Variants in LTBP1 observed in about 807,000 individuals in gnomAD.
LTBP1 encodes latent-transforming growth factor beta-binding protein 1.
LTBP1 carries 129 observed loss-of-function variants against 207.6 expected under a neutral mutation model. The observed-to-expected ratio is 0.62, with a 90% CI of 0.54 to 0.72. The LOEUF (loss-of-function observed/expected upper bound fraction) is 0.72. LTBP1 is among the 30% of genes least tolerant of loss of function. The probability of loss-of-function intolerance (pLI) is 0.00; values close to 1 mark genes in which losing one functional copy is unlikely to be tolerated. For missense variants in LTBP1, 2,281 were observed against 2,217.2 expected, an observed-to-expected ratio of 1.03 and a Z score of -0.58; for synonymous variants, 963 against 833.7, an observed-to-expected ratio of 1.16 and a Z score of -2.67.
intron 31 of LTBP1, among the ~76,000 whole-genome samples, chr2:33,386,859 C>G (rs1487181599): frequency 7.7e-6 from 1 of 130,620 alleles, no homozygotes; most frequent in African/African-American, 3.0e-5. Flanking sequence ...GAGACGGAGT[C>G]TCGCTCTATC....
intron 3 of LTBP1, among the ~76,000 whole-genome samples, chr2:33,107,865 A>G (rs1008446326): frequency 2.0e-5 from 3 of 152,176 alleles, no homozygotes; most frequent in African/African-American, 7.2e-5. Flanking sequence ...TTACGGTTAC[A>G]TTGCTGTGAC....
At chr2:33,107,244 A>C (rs2080118441) in intron 3 of LTBP1, among the ~76,000 whole-genome samples, 1 of 152,240 alleles carries the variant, frequency 6.6e-6, no homozygotes, top group Non-Finnish European at 1.5e-5. Context: ...ATATGTAGAT[A>C]TGTATTCGAT....
At position 33,301,365 on chromosome 2, in the gene LTBP1, A is replaced by G. The variant is rs186852468; in HGVS notation, c.3359-157A>G. Among the ~76,000 whole-genome samples, 387 of 152,344 alleles carry G rather than the reference A, an allele frequency of 2.5e-3. 2 individuals carry two copies. The highest frequency in any genetic ancestry group is 4.3e-3 in the Admixed American group (66 of 15,302). ...TACTCTGAATATTTGAGAAGCAAAA[A>G]AGTCTCCTGAGATAGTATTACAAAA... On this transcript the variant is annotated intron_variant, in intron 21 of 33. Coordinates refer to ENST00000404816, the MANE Select transcript of LTBP1 (RefSeq NM_206943.4).
intron 2 of LTBP1, among the ~76,000 whole-genome samples, chr2:32,949,365 TACA>T (rs1461848598): frequency 6.6e-6 from 1 of 152,130 alleles, no homozygotes; most frequent in Non-Finnish European, 1.5e-5. Flanking sequence ...TGTTCTGGAG[TACA>T]ACATCAAAGT....
At chr2:33,367,676 C>T (rs2095009629) in intron 31 of LTBP1, among the ~76,000 whole-genome samples, 1 of 152,148 alleles carries the variant, frequency 6.6e-6, no homozygotes, top group Non-Finnish European at 1.5e-5. Context: ...CTGTAAAACA[C>T]ACGATTTTAT....
At chr2:33,077,688 G>A (rs1056963003) in intron 3 of LTBP1, among the ~76,000 whole-genome samples, 120 of 152,274 alleles carry the variant, frequency 7.9e-4, no homozygotes, top group African/African-American at 2.4e-3. Flanking sequence ...ATAATTCGAC[G>A]TGAGATTTGG....
intron 28 of LTBP1, among the ~76,000 whole-genome samples, chr2:33,362,635 C>T (rs536495430): frequency 3.7e-4 from 57 of 152,278 alleles, no homozygotes; most frequent in African/African-American, 1.3e-3. Flanking sequence ...CATTTTCCAT[C>T]TGTGTTAACT....
intron 10 of LTBP1, among the ~76,000 whole-genome samples, chr2:33,252,153 A>T (rs1314361773): frequency 6.6e-6 from 1 of 152,126 alleles, no homozygotes; most frequent in East Asian, 1.9e-4. Context: ...TCTGCCTCCC[A>T]TTCATGTTCA....
intron 3 of LTBP1, among the ~76,000 whole-genome samples, chr2:33,034,977 G>A (rs1403801722): frequency 6.6e-6 from 1 of 152,182 alleles, no homozygotes; most frequent in Non-Finnish European, 1.5e-5. Context: ...ATTTGAAGAG[G>A]GGGGTTTAAC....
chr2:33,152,972 G>T (rs564481651), intron 5 of LTBP1, among the ~76,000 whole-genome samples: 2 of 152,276 alleles, frequency 1.3e-5, no homozygotes, highest in African/African-American at 4.8e-5. Flanking sequence ...TCTCTAAAAG[G>T]AGGAGTTCAG....
intron 5 of LTBP1, among the ~76,000 whole-genome samples, chr2:33,172,143 A>T (rs1333773099): frequency 6.6e-6 from 1 of 152,218 alleles, no homozygotes; most frequent in Non-Finnish European, 1.5e-5. Flanking sequence ...ACAGGATCAA[A>T]TTCACACATA....
Position 33,341,771 on chromosome 2 carries a change from A to C in LTBP1, c.3731-1067A>C, listed in dbSNP as rs560592418. Among the ~76,000 whole-genome samples, 316 of 147,610 alleles carry C rather than the reference A, an allele frequency of 2.1e-3. 1 individual carries two copies. The highest frequency in any genetic ancestry group is 4.4e-3 in the African/African-American group (177 of 40,632). ...GTATATTTATATATAAAAATAATAA[A>C]AGAGAAAATGCTCAATTTTATTAAT... On this transcript the variant is annotated intron_variant, in intron 24 of 33. Transcript: ENST00000404816.
At chr2:33,123,516 G>C (rs1458240595) in intron 4 of LTBP1, among the ~76,000 whole-genome samples, 1 of 152,090 alleles carries the variant, frequency 6.6e-6, no homozygotes, top group Non-Finnish European at 1.5e-5. Context: ...TCTTTGAAAG[G>C]GTTTTTCAAA....
intron 3 of LTBP1, among the ~76,000 whole-genome samples, chr2:33,041,486 A>T (rs763627247): frequency 6.6e-6 from 1 of 151,954 alleles, no homozygotes; most frequent in African/African-American, 2.4e-5. Flanking sequence ...GTTTCACCAT[A>T]TTGGCCAGGC....
chr2:32,947,534 CG>C lies in LTBP1; in HGVS notation c.211del (p.Ala71ProfsTer151). 1 of 1,388,202 alleles carries C rather than the reference CG, an allele frequency of 7.2e-7. No individual in the cohort carries two copies. The allele number at this position is 1,388,202 out of a possible 1,614,324, so 86.0% of individuals were successfully genotyped here. A position where few individuals can be genotyped will look rare whatever the true frequency, so the allele number is the denominator to read the frequency against. On this transcript the variant is annotated frameshift_variant, in exon 1 of 34. Transcript: ENST00000404816. LOFTEE classifies it high-confidence loss of function. Reference sequence around the variant, plus strand: ...ACAGCCGCAGCTCGGCGGCTGCCGGCGCCCCCAGCCGTGCCTCCCCCGGGGT... The same window carrying C: ...ACAGCCGCAGCTCGGCGGCTGCCGGCCCCCCAGCCGTGCCTCCCCCGGGGT... ...RYSRSSAAAG[A>X]PSRASPGVPS... is the part of the protein sequence containing the mutation.
At chr2:33,304,683 G>A (rs182279085) in intron 22 of LTBP1, among the ~76,000 whole-genome samples, 104 of 152,202 alleles carry the variant, frequency 6.8e-4, no homozygotes, top group Middle Eastern at 3.4e-3. Flanking sequence ...CTTTAATCTC[G>A]TGTCTACCTT....
intron 3 of LTBP1, among the ~76,000 whole-genome samples, chr2:33,066,959 G>C (rs1470390152): frequency 6.6e-6 from 1 of 152,106 alleles, no homozygotes; most frequent in East Asian, 1.9e-4. Flanking sequence ...CTGAGTCCAG[G>C]AGTTCGAGAC....
intron 15 of LTBP1, among the ~76,000 whole-genome samples, chr2:33,266,683 C>G (rs879294972): frequency 6.6e-6 from 1 of 152,188 alleles, no homozygotes; most frequent in Non-Finnish European, 1.5e-5. Context: ...AGGAGCTACC[C>G]ACTTCGGGTC....
At chr2:33,270,684 C>G (rs1407635890) in intron 15 of LTBP1, among the ~76,000 whole-genome samples, 1 of 150,418 alleles carries the variant, frequency 6.6e-6, no homozygotes, top group Non-Finnish European at 1.5e-5. Context: ...ATTAATTAAT[C>G]ACTTGTGTAA....
Sources: allele counts gnomAD v4.1 joint callset (sites outside exome capture counted in the v4.1 genomes callset), GRCh38; gene constraint gnomAD v4.1.1; transcripts MANE v1.5; gene names NCBI Gene and HGNC (gene_info 2026-07-23, HGNC 2026-07-21).